CNGB3: variants seen among roughly 807,000 people sequenced by gnomAD.
CNGB3 encodes cyclic nucleotide-gated channel beta-3.
CNGB3 carries 86 observed loss-of-function variants against 92.8 expected under a neutral mutation model. That is an observed-to-expected ratio of 0.93 (90% CI 0.78 to 1.11). CNGB3 has a LOEUF of 1.11. Among genes scored for constraint, CNGB3 ranks in the 50% least tolerant of loss-of-function variants. CNGB3 has a pLI of 0.00. For missense variants in CNGB3, 1,026 were observed against 956.8 expected, an observed-to-expected ratio of 1.07 and a Z score of -0.95; for synonymous variants, 333 against 332.7, an observed-to-expected ratio of 1.00 and a Z score of -0.01.
chr8:86,621,085 C>A (rs758224902), intron 13 of CNGB3, among the ~76,000 whole-genome samples: 12 of 152,108 alleles, frequency 7.9e-5, no homozygotes, highest in Non-Finnish European at 1.8e-4. Context: ...CCAAAAAGTA[C>A]ATATAGAAAG....
At chr8:86,594,175 C>T (rs2131549872) in intron 15 of CNGB3, 1 of 277,744 alleles carries the variant, frequency 3.6e-6, no homozygotes, top group Non-Finnish European at 7.2e-6. Context: ...CTCCAACGAT[C>T]ACCCACTGGG....
chr8:86,632,954 T>C, intron 10 of CNGB3, 61 bp from the exon 11 acceptor site: 1 of 1,464,312 alleles, frequency 6.8e-7, no homozygotes. Flanking sequence ...ACCACTATTC[T>C]TGGGAGAATA....
chr8:86,635,845 TATATATATATATATATATAC>T (rs1215374448), intron 10 of CNGB3, among the ~76,000 whole-genome samples: 23 of 70,590 alleles, frequency 3.3e-4, no homozygotes, highest in African/African-American at 1.2e-3. Context: ...TATATATATA[TATATATATATATATATATAC>T]ACATACACAT....
chr8:86,697,816 G>T (rs1824477805), intron 3 of CNGB3, among the ~76,000 whole-genome samples: 1 of 145,724 alleles, frequency 6.9e-6, no homozygotes, highest in African/African-American at 2.6e-5. Context: ...GACAGGCCCT[G>T]GTATGTGATG....
intron 15 of CNGB3, chr8:86,593,916 G>T: frequency 1.7e-6 from 1 of 581,084 alleles, no homozygotes; most frequent in East Asian, 3.8e-5. Flanking sequence ...CCGCCTGTGT[G>T]CCAGGGGCAG....
chr8:86,668,676 A>G (rs1013861927), intron 4 of CNGB3, among the ~76,000 whole-genome samples: 1 of 132,790 alleles, frequency 7.5e-6, no homozygotes, highest in South Asian at 2.5e-4. Flanking sequence ...AAATAAATAA[A>G]TGTTAATAAA....
intron 3 of CNGB3, among the ~76,000 whole-genome samples, chr8:86,695,590 A>G (rs1212173073): frequency 5.9e-5 from 9 of 151,794 alleles, no homozygotes; most frequent in Admixed American, 5.9e-4. Flanking sequence ...AATTTCTTTA[A>G]GTTGGTTTTC....
At chr8:86,719,122 G>A (rs1256954791) in intron 3 of CNGB3, among the ~76,000 whole-genome samples, 1 of 151,380 alleles carries the variant, frequency 6.6e-6, no homozygotes, top group African/African-American at 2.4e-5. Context: ...AGACAAAAAT[G>A]TCCACTTTCA....
intron 3 of CNGB3, among the ~76,000 whole-genome samples, chr8:86,725,473 C>G (rs1441628122): frequency 1.3e-5 from 2 of 152,162 alleles, no homozygotes; most frequent in Non-Finnish European, 2.9e-5. Context: ...AGAGTTTAAA[C>G]ATCTCTCTGC....
At chr8:86,642,804 T>C (rs1823216100) in intron 10 of CNGB3, among the ~76,000 whole-genome samples, 1 of 151,638 alleles carries the variant, frequency 6.6e-6, no homozygotes, top group East Asian at 1.9e-4. Context: ...AGTGATCTTT[T>C]TTTATTTCTG....
rs4024071 is a variant in CNGB3, at chr8:86,720,839, TACACACACACACACAC to T, written c.338+5676_338+5691del. Among the ~76,000 whole-genome samples, 758 of 129,848 alleles carry T rather than the reference TACACACACACACACAC, an allele frequency of 5.8e-3. 5 individuals carry two copies. Among genetic ancestry groups the T allele is most frequent in the East Asian group, 0.017 (77 of 4,612 alleles). 85.2% of individuals were successfully genotyped at this position (129,848 alleles called of 152,430 possible). On this transcript the variant is annotated intron_variant, in intron 3 of 17. Coordinates refer to ENST00000320005, the MANE Select transcript of CNGB3 (RefSeq NM_019098.5). ...ATATATATATATATATATATATGTA[TACACACACACACACAC>T]ACACACACACACACACACACACACA...
In CNGB3 at chr8:86,727,344, A is replaced by G. The variant is rs564917887; in HGVS notation, c.212-687T>C. Among the ~76,000 whole-genome samples the G allele has an allele frequency of 1.1e-4, 16 of 152,310 alleles. No homozygotes were observed. The South Asian group carries it at 3.3e-3, about 32-fold the overall frequency. On this transcript the variant is annotated intron_variant, in intron 2 of 17. Transcript: ENST00000320005. ...TTCATAATTTTGGGCTGAAATTGAT[A>G]CATCATAAAATTCAGAAAAGTAAAA...
intron 5 of CNGB3, 111 bp from the exon 6 acceptor site, chr8:86,667,244 A>C (rs1022771844): frequency 5.6e-6 from 5 of 885,782 alleles, no homozygotes; most frequent in Non-Finnish European, 1.8e-6. Context: ...GTAATTTGCC[A>C]TAGGAGGCTC....
intron 15 of CNGB3, among the ~76,000 whole-genome samples, chr8:86,595,659 TCTC>T (rs1367053079): frequency 2.0e-5 from 3 of 152,104 alleles, no homozygotes; most frequent in African/African-American, 7.2e-5. Context: ...ATACTTTTAA[TCTC>T]CTATTGTATC....
intron 15 of CNGB3, among the ~76,000 whole-genome samples, chr8:86,582,510 GA>G (rs1294315644): frequency 6.6e-6 from 1 of 151,910 alleles, no homozygotes; most frequent in Admixed American, 6.6e-5. Context: ...CAAAACAAAT[GA>G]AAAACCCCCA....
At chr8:86,598,896 C>T (rs1822228084) in intron 15 of CNGB3, among the ~76,000 whole-genome samples, 1 of 152,120 alleles carries the variant, frequency 6.6e-6, no homozygotes, top group Non-Finnish European at 1.5e-5. Flanking sequence ...AGTTAGGTCA[C>T]ATACACAAGT....
chr8:86,657,263 A>G, intron 6 of CNGB3: 1 of 234,522 alleles, frequency 4.3e-6, no homozygotes, highest in South Asian at 5.5e-5. Flanking sequence ...CCCATCACAC[A>G]GGGGTCTTAC....
intron 3 of CNGB3, among the ~76,000 whole-genome samples, chr8:86,704,753 A>T (rs1291549655): frequency 1.3e-5 from 2 of 152,222 alleles, no homozygotes; most frequent in Admixed American, 6.5e-5. Context: ...CTGGTCTTAA[A>T]TAAATTATAA....
chr8:86,729,848 C>T (rs1021797082), intron 2 of CNGB3, among the ~76,000 whole-genome samples: 2 of 152,298 alleles, frequency 1.3e-5, no homozygotes, highest in Non-Finnish European at 2.9e-5. Flanking sequence ...TGATTCTTCC[C>T]AGCTTCACAC....
Sources: gnomAD v4.1 joint callset for allele counts (sites outside exome capture counted in the v4.1 genomes callset) on GRCh38, gnomAD v4.1.1 for gene constraint, MANE v1.5 for transcripts, NCBI Gene and HGNC (gene_info 2026-07-23, HGNC 2026-07-21) for gene names.